SH3GL2: variants seen among roughly 807,000 people sequenced by gnomAD.
SH3GL2 encodes the protein SH3 domain containing GRB2 like 2, endophilin A1.
SH3GL2 carries 24 observed loss-of-function variants against 46.0 expected under a neutral mutation model. That is an observed-to-expected ratio of 0.52 (90% CI 0.38 to 0.73). SH3GL2 has a LOEUF of 0.73. Among genes scored for constraint, SH3GL2 ranks in the 30% least tolerant of loss-of-function variants. SH3GL2 has a pLI of 0.00. For missense variants in SH3GL2, 413 were observed against 424.2 expected (o/e 0.97, Z 0.23); for synonymous variants, 196 against 147.1 (o/e 1.33, Z -2.40).
chr9:17,673,133 C>A (rs750136559), intron 1 of SH3GL2, among the ~76,000 whole-genome samples: 11 of 151,744 alleles, frequency 7.2e-5, no homozygotes, highest in Admixed American at 2.6e-4. Context: ...TAGAGTCTCT[C>A]ACCTTGACTT....
intron 3 of SH3GL2, among the ~76,000 whole-genome samples, chr9:17,776,688 A>G (rs931899976): frequency 6.9e-6 from 1 of 144,580 alleles, no homozygotes; most frequent in Non-Finnish European, 1.5e-5. Flanking sequence ...TTTTAAGCCA[A>G]GAAGTATGAT....
chr9:17,684,373 G>A (rs1312740140), intron 1 of SH3GL2, among the ~76,000 whole-genome samples: 2 of 152,076 alleles, frequency 1.3e-5, no homozygotes, highest in Non-Finnish European at 2.9e-5. Context: ...AGATTGGTCA[G>A]AAGAGATTTA....
intron 1 of SH3GL2, among the ~76,000 whole-genome samples, chr9:17,639,747 A>G (rs927290527): frequency 6.6e-6 from 1 of 152,234 alleles, no homozygotes; most frequent in Non-Finnish European, 1.5e-5. Flanking sequence ...ACTGGACGCA[A>G]CCTAATTATG....
chr9:17,603,730 C>T (rs1320010216), intron 1 of SH3GL2, among the ~76,000 whole-genome samples: 1 of 152,020 alleles, frequency 6.6e-6, no homozygotes, highest in Non-Finnish European at 1.5e-5. Context: ...TGTGGTGGTG[C>T]ATGCCTGTAA....
intron 1 of SH3GL2, among the ~76,000 whole-genome samples, chr9:17,601,893 C>A (rs566550145): frequency 7.9e-5 from 12 of 152,154 alleles, no homozygotes; most frequent in Non-Finnish European, 1.8e-4. Flanking sequence ...AAAGTAATTA[C>A]AATTCTGGTA....
At chr9:17,620,338 A>G (rs1333261512) in intron 1 of SH3GL2, among the ~76,000 whole-genome samples, 4 of 152,224 alleles carry the variant, frequency 2.6e-5, no homozygotes, top group Non-Finnish European at 4.4e-5. Flanking sequence ...GAACAAGTGT[A>G]TAAAAGGAAA....
intron 2 of SH3GL2, among the ~76,000 whole-genome samples, chr9:17,748,997 GT>G (rs1822770008): frequency 1.3e-5 from 2 of 152,198 alleles, no homozygotes; most frequent in Non-Finnish European, 1.5e-5. Flanking sequence ...GATCCAGCTG[GT>G]CATTCTGGCT....
intron 1 of SH3GL2, among the ~76,000 whole-genome samples, chr9:17,586,872 G>GC (rs1222746386): frequency 6.6e-6 from 1 of 152,198 alleles, no homozygotes; most frequent in Non-Finnish European, 1.5e-5. Flanking sequence ...ACAGAATAAT[G>GC]CTTGAAAGAA....
At chr9:17,670,849 ACAGATTCACCTGGAAGGCTTAT>A (rs1355807278) in intron 1 of SH3GL2, among the ~76,000 whole-genome samples, 1 of 152,186 alleles carries the variant, frequency 6.6e-6, no homozygotes, top group Non-Finnish European at 1.5e-5. Context: ...TTAGTGGGTA[ACAGATTCACCTGGAAGGCTTAT>A]TAAAGCACAG....
chr9:17,718,886 A>G (rs1821825261), intron 1 of SH3GL2, among the ~76,000 whole-genome samples: 1 of 152,072 alleles, frequency 6.6e-6, no homozygotes, highest in Non-Finnish European at 1.5e-5. Context: ...TGACCATGTG[A>G]TATAAGGAGA....
intron 2 of SH3GL2, among the ~76,000 whole-genome samples, chr9:17,758,595 A>G (rs1374569824): frequency 6.9e-6 from 1 of 145,788 alleles, no homozygotes; most frequent in Non-Finnish European, 1.5e-5. Flanking sequence ...AAAAAAAAAA[A>G]TTGCAGTCAG....
At chr9:17,726,627 A>C (rs1822026670) in intron 1 of SH3GL2, among the ~76,000 whole-genome samples, 1 of 152,192 alleles carries the variant, frequency 6.6e-6, no homozygotes, top group Admixed American at 6.5e-5. Flanking sequence ...AACAAACAAC[A>C]GTAGCAGCAA....
chr9:17,763,836 A>G (rs2131155124), intron 3 of SH3GL2, among the ~76,000 whole-genome samples: 1 of 152,292 alleles, frequency 6.6e-6, no homozygotes, highest in East Asian at 1.9e-4. Context: ...CTACCTCCTA[A>G]GTCTCTGCAC....
At chr9:17,702,291 A>AATG (rs1242392074) in intron 1 of SH3GL2, among the ~76,000 whole-genome samples, 2 of 152,134 alleles carry the variant, frequency 1.3e-5, no homozygotes, top group Non-Finnish European at 2.9e-5. Context: ...TTAATGAATG[A>AATG]AATCATAAAA....
chr9:17,722,657 A>T (rs868454493), intron 1 of SH3GL2, among the ~76,000 whole-genome samples: 9 of 149,662 alleles, frequency 6.0e-5, no homozygotes, highest in African/African-American at 1.5e-4. Flanking sequence ...TTTTTTTTTT[A>T]AAAAGAATTC....
chr9:17,738,928 A>G (rs1822442820), intron 1 of SH3GL2, among the ~76,000 whole-genome samples: 1 of 152,104 alleles, frequency 6.6e-6, no homozygotes, highest in African/African-American at 2.4e-5. Flanking sequence ...CATTTTCACA[A>G]AACAGCTTCA....
intron 2 of SH3GL2, among the ~76,000 whole-genome samples, chr9:17,751,452 T>A (rs1822840004): frequency 1.3e-5 from 2 of 149,546 alleles, no homozygotes; most frequent in Admixed American, 1.3e-4. Flanking sequence ...CAAAGCTGGG[T>A]TTTTGGTGTG....
At chr9:17,618,627 G>T (rs1026366370) in intron 1 of SH3GL2, among the ~76,000 whole-genome samples, 1 of 152,146 alleles carries the variant, frequency 6.6e-6, no homozygotes, top group Non-Finnish European at 1.5e-5. Flanking sequence ...TTGACTGTAG[G>T]GTGCTGGCCT....
At chr9:17,668,473 T>A (rs986411956) in intron 1 of SH3GL2, among the ~76,000 whole-genome samples, 2 of 151,966 alleles carry the variant, frequency 1.3e-5, no homozygotes, top group African/African-American at 2.4e-5. Flanking sequence ...TTGCTTATGA[T>A]TTTTTTTGGC....
Sources: gnomAD v4.1 joint callset for allele counts (sites outside exome capture counted in the v4.1 genomes callset) on GRCh38, gnomAD v4.1.1 for gene constraint, MANE v1.5 for transcripts, NCBI Gene and HGNC (gene_info 2026-07-23, HGNC 2026-07-21) for gene names.